Variants in NETO1 observed in about 807,000 individuals in gnomAD.
The protein encoded by NETO1 is neuropilin and tolloid like 1.
A neutral mutation model predicts 61.3 loss-of-function variants in NETO1; 26 were observed. The ratio of observed to expected loss-of-function variants is 0.42; its 90% CI spans 0.31 to 0.59. NETO1 has a LOEUF of 0.59. NETO1 is among the 20% of genes least tolerant of loss of function. NETO1 has a pLI of 0.12. For missense variants in NETO1, 531 were observed against 662.8 expected (o/e 0.80, Z 2.18); for synonymous variants, 225 against 225.8 (o/e 1.00, Z 0.03).
At chr18:72,807,229 T>C (rs538318583) in intron 4 of NETO1, among the ~76,000 whole-genome samples, 1 of 152,206 alleles carries the variant, frequency 6.6e-6, no homozygotes, top group Non-Finnish European at 1.5e-5. Flanking sequence ...TTTGAGTCTG[T>C]CTACCTAATG....
chr18:72,744,696 G>C lies in NETO1; in HGVS notation c.*3483C>G, dbSNP rs575896076. On this transcript the variant is annotated 3_prime_UTR_variant, in exon 11 of 11. Transcript: ENST00000327305. ...GTTGTTTATTTAACTTCCCTTCAGA[G>C]AGGGAATCTGACATGACTCATTTTC... 1.3e-5 allele frequency: 2 copies of C among 152,280 alleles called. No individual in the cohort carries two copies. Among genetic ancestry groups the C allele is most frequent in the Non-Finnish European group, 2.9e-5 (2 of 68,028 alleles). The allele number at this position is 152,280 out of a possible 1,614,324, so 9.4% of individuals were successfully genotyped here.
intron 3 of NETO1, among the ~76,000 whole-genome samples, chr18:72,861,885 C>CA (rs2074583357): frequency 1.3e-5 from 2 of 152,178 alleles, no homozygotes; most frequent in Non-Finnish European, 1.5e-5. Flanking sequence ...TTGTTACTAA[C>CA]AAACTCTTAA....
chr18:72,846,533 A>AAAAAAAAAAAAC (rs2074093416), intron 4 of NETO1, among the ~76,000 whole-genome samples: 1 of 149,508 alleles, frequency 6.7e-6, no homozygotes, highest in Non-Finnish European at 1.5e-5. Context: ...AAAAAAAAAA[A>AAAAAAAAAAAAC]AGAAGATGCA....
intron 4 of NETO1, among the ~76,000 whole-genome samples, chr18:72,816,195 G>A (rs2073028566): frequency 1.3e-5 from 2 of 151,986 alleles, no homozygotes; most frequent in South Asian, 4.1e-4. Context: ...GTGGCCTTAA[G>A]AGGAAGATCA....
intron 10 of NETO1, among the ~76,000 whole-genome samples, chr18:72,748,516 T>G (rs2070484423): frequency 6.6e-6 from 1 of 152,060 alleles, no homozygotes; most frequent in Non-Finnish European, 1.5e-5. Context: ...AGCTACATAT[T>G]CATGCAAAAA....
intron 4 of NETO1, among the ~76,000 whole-genome samples, chr18:72,811,393 C>G (rs546929925): frequency 2.6e-4 from 39 of 152,348 alleles, no homozygotes; most frequent in African/African-American, 9.4e-4. Flanking sequence ...AAGAAACTCC[C>G]ATCAGCTATG....
intron 3 of NETO1, among the ~76,000 whole-genome samples, chr18:72,861,680 G>GGGACCT (rs1479934132): frequency 1.3e-5 from 2 of 152,088 alleles, no homozygotes; most frequent in African/African-American, 4.8e-5. Context: ...TTTCGTGACT[G>GGGACCT]GGACCTCGCT....
intron 7 of NETO1, among the ~76,000 whole-genome samples, chr18:72,770,992 G>T (rs1318148395): frequency 6.6e-6 from 1 of 152,076 alleles, no homozygotes; most frequent in Non-Finnish European, 1.5e-5. Flanking sequence ...AGTTAAAAAG[G>T]ATTAAAGTAA....
At chr18:72,863,482 G>A (rs985527124) in intron 3 of NETO1, among the ~76,000 whole-genome samples, 3 of 152,288 alleles carry the variant, frequency 2.0e-5, no homozygotes, top group South Asian at 2.1e-4. Context: ...GGCAGGTAGC[G>A]AGTACCTTTT....
At chr18:72,796,755 C>A (rs181302415) in intron 4 of NETO1, among the ~76,000 whole-genome samples, 1 of 151,746 alleles carries the variant, frequency 6.6e-6, no homozygotes, top group Non-Finnish European at 1.5e-5. Flanking sequence ...TGAGCCACCG[C>A]GCCCGGCCGA....
intron 7 of NETO1, among the ~76,000 whole-genome samples, chr18:72,762,116 G>C (rs1599111077): frequency 6.6e-6 from 1 of 152,206 alleles, no homozygotes; most frequent in African/African-American, 2.4e-5. Flanking sequence ...ACATAGAATA[G>C]GGTGGGAGAT....
At chr18:72,831,964 T>C (rs1011686117) in intron 4 of NETO1, among the ~76,000 whole-genome samples, 1 of 151,774 alleles carries the variant, frequency 6.6e-6, no homozygotes, top group South Asian at 2.1e-4. Flanking sequence ...TTCTATATTG[T>C]AGCATAGTTT....
chr18:72,829,238 G>A (rs549046100), intron 4 of NETO1, among the ~76,000 whole-genome samples: 4 of 152,194 alleles, frequency 2.6e-5, no homozygotes, highest in East Asian at 3.9e-4. Context: ...CTAAATAAGC[G>A]AATAATCATA....
intron 7 of NETO1, among the ~76,000 whole-genome samples, chr18:72,782,043 T>C (rs1213887081): frequency 6.6e-6 from 1 of 152,174 alleles, no homozygotes; most frequent in Admixed American, 6.5e-5. Flanking sequence ...TGTTCCCTTC[T>C]TTCTGTCCAT....
At chr18:72,866,210 T>C (rs975415624) in intron 1 of NETO1, among the ~76,000 whole-genome samples, 1 of 152,186 alleles carries the variant, frequency 6.6e-6, no homozygotes, top group Non-Finnish European at 1.5e-5. Context: ...TCACTTAAAA[T>C]GAATTCGGGG....
intron 4 of NETO1, among the ~76,000 whole-genome samples, chr18:72,808,141 A>G (rs953994935): frequency 3.3e-5 from 5 of 152,184 alleles, no homozygotes; most frequent in Admixed American, 1.3e-4. Flanking sequence ...GCTTATTGAT[A>G]AGCACAGAAA....
intron 7 of NETO1, among the ~76,000 whole-genome samples, chr18:72,770,066 T>C (rs919408414): frequency 1.2e-4 from 19 of 152,060 alleles, no homozygotes; most frequent in Non-Finnish European, 1.6e-4. Context: ...ATCTCCAACA[T>C]TATTTCATAT....
At chr18:72,801,191 G>A (rs8093761) in intron 4 of NETO1, among the ~76,000 whole-genome samples, 56,492 of 151,964 alleles carry the variant, frequency 0.37, 11,142 homozygotes, top group Middle Eastern at 0.54. Context: ...GCGAAACTCC[G>A]TCAGCTTCAT....
intron 4 of NETO1, among the ~76,000 whole-genome samples, chr18:72,816,572 C>A (rs944575691): frequency 6.6e-6 from 1 of 152,096 alleles, no homozygotes; most frequent in African/African-American, 2.4e-5. Flanking sequence ...GTATTCAGGG[C>A]ATAGCACCAA....
Sources: allele counts gnomAD v4.1 joint callset (sites outside exome capture counted in the v4.1 genomes callset), GRCh38; gene constraint gnomAD v4.1.1; transcripts MANE v1.5; gene names NCBI Gene and HGNC (gene_info 2026-07-23, HGNC 2026-07-21).